INSL6: variants seen among roughly 807,000 people sequenced by gnomAD.
INSL6 encodes the protein insulin-like peptide INSL6.
Under a neutral mutation model 9.4 loss-of-function variants are expected in INSL6, and 16 were observed. The observed-to-expected ratio is 1.70, with a 90% confidence interval of 1.15 to 2.59. INSL6 has a LOEUF of 2.59. INSL6 is among the 30% of genes most tolerant of loss of function. The probability of loss-of-function intolerance (pLI) is 0.00; values close to 1 mark genes in which losing one functional copy is unlikely to be tolerated. For missense variants in INSL6, 391 were observed against 257.3 expected (o/e 1.52, Z -3.56); for synonymous variants, 154 against 96.9 (o/e 1.59, Z -3.46).
the INSL6 span, among the ~76,000 whole-genome samples, chr9:4,996,595 G>A: frequency 1.3e-5 from 2 of 151,928 alleles, no homozygotes; most frequent in African/African-American, 2.4e-5. Context: ...CGGGGGTGAT[G>A]TGAAATATAG....
At chr9:5,088,161 G>A in the INSL6 span, among the ~76,000 whole-genome samples, 3 of 151,960 alleles carry the variant, frequency 2.0e-5, no homozygotes, top group African/African-American at 4.8e-5. Context: ...TGAATTGTCC[G>A]CGGTCACAGA....
intron 2 of INSL6, among the ~76,000 whole-genome samples, chr9:5,142,634 C>CGT (rs1312599880): frequency 6.6e-6 from 1 of 152,120 alleles, no homozygotes; most frequent in African/African-American, 2.4e-5. Flanking sequence ...GATATAGGAT[C>CGT]GTGTCATCTA....
chr9:5,032,613 G>T, the INSL6 span, among the ~76,000 whole-genome samples: 2 of 152,220 alleles, frequency 1.3e-5, no homozygotes, highest in African/African-American at 4.8e-5. Flanking sequence ...TGCAGCCACT[G>T]CTGCTGGTAC....
downstream of INSL6, among the ~76,000 whole-genome samples, chr9:5,121,218 C>T (rs1399011795): frequency 6.6e-6 from 1 of 152,104 alleles, no homozygotes; most frequent in African/African-American, 2.4e-5. Context: ...AGCATTAGAG[C>T]AGGATGTGAT....
At chr9:5,146,253 T>C (rs1824600458) in intron 2 of INSL6, among the ~76,000 whole-genome samples, 1 of 152,192 alleles carries the variant, frequency 6.6e-6, no homozygotes, top group Non-Finnish European at 1.5e-5. Flanking sequence ...CTGTGTGCTC[T>C]GAGAGACTTG....
chr9:5,002,023 T>G, the INSL6 span, among the ~76,000 whole-genome samples: 1 of 151,990 alleles, frequency 6.6e-6, no homozygotes, highest in Non-Finnish European at 1.5e-5. Context: ...ATATCCTGCT[T>G]TTTTTACATC....
chr9:5,049,012 T>A, the INSL6 span, among the ~76,000 whole-genome samples: 301 of 152,316 alleles, frequency 2.0e-3, 1 homozygote, highest in African/African-American at 6.9e-3. Flanking sequence ...TATTCCTAAA[T>A]CCTCCAGGTC....
At chr9:5,184,839 C>G (rs1335615011) in intron 1 of INSL6, among the ~76,000 whole-genome samples, 1 of 152,166 alleles carries the variant, frequency 6.6e-6, no homozygotes, top group Admixed American at 6.5e-5. Flanking sequence ...TTTCATGGCC[C>G]TTTCCTGCTT....
chr9:5,106,699 C>T, the INSL6 span, among the ~76,000 whole-genome samples: 4 of 152,028 alleles, frequency 2.6e-5, no homozygotes, highest in Admixed American at 2.0e-4. Context: ...CACAAATATC[C>T]CAAGGAATAC....
At chr9:5,072,140 C>G in the INSL6 span, among the ~76,000 whole-genome samples, 6 of 152,190 alleles carry the variant, frequency 3.9e-5, no homozygotes, top group Non-Finnish European at 8.8e-5. Flanking sequence ...CTGCAGACCA[C>G]ATTCTCTAGT....
downstream of INSL6, among the ~76,000 whole-genome samples, chr9:5,161,158 T>C (rs1824918276): frequency 6.6e-6 from 1 of 152,140 alleles, no homozygotes; most frequent in Non-Finnish European, 1.5e-5. Context: ...GCCATTATCT[T>C]TGATGAACAC....
chr9:5,090,773 A>T, the INSL6 span: 1 of 1,612,294 alleles, frequency 6.2e-7, no homozygotes, highest in Non-Finnish European at 8.5e-7. Context: ...AGGTATATCC[A>T]CAGGGATCTG....
chr9:5,100,793 C>A, the INSL6 span: 1 of 152,372 alleles, frequency 6.6e-6, no homozygotes, highest in African/African-American at 2.4e-5. Context: ...GCCCCTTTTA[C>A]TATCTCTGAT....
chr9:5,098,602 GAAGTT>G, the INSL6 span: 1 of 152,106 alleles, frequency 6.6e-6, no homozygotes, highest in Non-Finnish European at 1.5e-5. Flanking sequence ...TAAAACAGAT[GAAGTT>G]AATAATCCTT....
chr9:5,046,261 GTTGT>G, the INSL6 span, among the ~76,000 whole-genome samples: 14 of 152,036 alleles, frequency 9.2e-5, no homozygotes, highest in African/African-American at 1.7e-4. Context: ...TTTAAATCAG[GTTGT>G]TTGTTTGTTG....
At chr9:5,033,336 ACTTCCCT>A in the INSL6 span, among the ~76,000 whole-genome samples, 1 of 152,254 alleles carries the variant, frequency 6.6e-6, no homozygotes, top group African/African-American at 2.4e-5. Flanking sequence ...ATCCAGGAGA[ACTTCCCT>A]AATCTAGCGA....
chr9:5,143,651 G>A (rs1026516056), intron 2 of INSL6, among the ~76,000 whole-genome samples: 4 of 144,550 alleles, frequency 2.8e-5, no homozygotes, highest in Admixed American at 1.4e-4. Context: ...CCTGGATCCT[G>A]GATTTGTTAA....
the INSL6 span, among the ~76,000 whole-genome samples, chr9:4,996,415 T>TAG: frequency 6.6e-6 from 1 of 152,202 alleles, no homozygotes; most frequent in South Asian, 2.1e-4. Context: ...GCCATTGCAC[T>TAG]CTAGCCTGGG....
the INSL6 span, chr9:5,086,240 C>A: frequency 1.4e-5 from 8 of 585,234 alleles, no homozygotes; most frequent in Non-Finnish European, 1.8e-5. Context: ...CTGAAAGTCG[C>A]GGTAGGATGG....
Sources: allele counts gnomAD v4.1 joint callset (sites outside exome capture counted in the v4.1 genomes callset), GRCh38; gene constraint gnomAD v4.1.1; transcripts MANE v1.5; gene names NCBI Gene and HGNC (gene_info 2026-07-23, HGNC 2026-07-21).